The following WDPCP variants were observed in gnomAD, a reference collection of about 807,000 sequenced individuals.
WDPCP encodes WD repeat-containing and planar cell polarity effector protein fritz homolog.
WDPCP carries 71 observed loss-of-function variants against 93.1 expected under a neutral mutation model. The ratio of observed to expected loss-of-function variants is 0.76; its 90% confidence interval spans 0.63 to 0.93. The LOEUF (loss-of-function observed/expected upper bound fraction) is 0.93, where lower values mean the gene tolerates loss of function less well. WDPCP is among the 40% of genes least tolerant of loss of function. The pLI is 0.00. For synonymous variants in WDPCP, 315 were observed against 315.0 expected (o/e 1.00, Z 0.00); for missense variants, 844 against 887.4 (o/e 0.95, Z 0.62).
Position 63,120,593 on chromosome 2 carries a change from C to T in WDPCP, c.*1413G>A, listed in dbSNP as rs1391316577. ...CCAGGCTGGAGCGTAATGGTGCGAC[C>T]TCAGCTCACTGCAGCCTCCGCCCTC... On this transcript the variant is annotated 3_prime_UTR_variant, in exon 18 of 18. Coordinates refer to ENST00000272321, the MANE Select transcript of WDPCP (RefSeq NM_015910.7). Among the ~76,000 whole-genome samples, 1 of 147,730 alleles carries T rather than the reference C, an allele frequency of 6.8e-6. No individual in the cohort carries two copies. The highest frequency in any genetic ancestry group is 1.5e-5 in the Non-Finnish European group (1 of 67,480).
At chr2:63,721,718 C>T (rs932676907) in intron 2 of WDPCP, among the ~76,000 whole-genome samples, 6 of 148,480 alleles carry the variant, frequency 4.0e-5, no homozygotes, top group Non-Finnish European at 9.0e-5. Context: ...GCCCCTCCCC[C>T]TCCTCCTCCC....
intron 6 of WDPCP, among the ~76,000 whole-genome samples, chr2:63,472,372 G>C (rs1699743146): frequency 6.6e-6 from 1 of 150,844 alleles, no homozygotes; most frequent in Admixed American, 6.6e-5. Context: ...CTTCTCTTCT[G>C]TTTTCTATTA....
chr2:63,526,946 G>A (rs1035357120), intron 1 of WDPCP, among the ~76,000 whole-genome samples: 8 of 152,056 alleles, frequency 5.3e-5, no homozygotes, highest in African/African-American at 7.2e-5. Context: ...ATAAATATTC[G>A]ATGAACGGAG....
chr2:63,612,215 C>T (rs1489550508), intron 3 of WDPCP, among the ~76,000 whole-genome samples: 3 of 152,124 alleles, frequency 2.0e-5, no homozygotes, highest in East Asian at 1.9e-4. Flanking sequence ...TTTAGGTGTC[C>T]TTAAACAACC....
At chr2:63,800,825 G>C (rs1301830919) in intron 2 of WDPCP, among the ~76,000 whole-genome samples, 7 of 152,186 alleles carry the variant, frequency 4.6e-5, no homozygotes. Flanking sequence ...GGGCTGAGGT[G>C]GGAGGACTGC....
chr2:63,492,302 C>T (rs1700930291), intron 2 of WDPCP, among the ~76,000 whole-genome samples: 1 of 151,872 alleles, frequency 6.6e-6, no homozygotes, highest in South Asian at 2.1e-4. Context: ...ATTATTCTCC[C>T]CCCCCAAAAT....
chr2:63,211,374 C>T (rs1385648540), intron 14 of WDPCP, among the ~76,000 whole-genome samples: 3 of 152,210 alleles, frequency 2.0e-5, no homozygotes, highest in Non-Finnish European at 4.4e-5. Flanking sequence ...CTCCAGCAAA[C>T]TCCGACAGAC....
At chr2:63,478,507 G>A (rs554520391) in intron 6 of WDPCP, among the ~76,000 whole-genome samples, 1 of 152,094 alleles carries the variant, frequency 6.6e-6, no homozygotes, top group South Asian at 2.1e-4. Context: ...GACCACAGTA[G>A]AATAAAACTC....
chr2:63,613,178 A>T (rs1379191415), intron 3 of WDPCP, among the ~76,000 whole-genome samples: 2 of 152,172 alleles, frequency 1.3e-5, no homozygotes, highest in African/African-American at 4.8e-5. Context: ...CAACATGTGC[A>T]TATTGATTAA....
Position 63,547,627 on chromosome 2 carries a change from C to T in WDPCP, c.75+40570G>A, listed in dbSNP as rs143902206. Among the ~76,000 whole-genome samples the T allele has an allele frequency of 1.1e-4, 16 of 150,854 alleles. No homozygotes were observed. In the East Asian group the frequency reaches 2.5e-3, roughly 24 times the overall value. ...AATATTATTCAGCCATTATAAAGAA[C>T]GAAATTCTGTCATTTGCAGCAACAT... On this transcript the variant is annotated intron_variant, in intron 1 of 17. Coordinates refer to ENST00000272321, the MANE Select transcript of WDPCP (RefSeq NM_015910.7).
At chr2:63,261,173 G>C (rs567901171) in intron 13 of WDPCP, among the ~76,000 whole-genome samples, 1 of 70,202 alleles carries the variant, frequency 1.4e-5, no homozygotes, top group East Asian at 3.1e-4. Context: ...ACTGTCGAAA[G>C]GTTTTTTTTT....
At chr2:63,747,755 C>A (rs1003676092) in intron 2 of WDPCP, among the ~76,000 whole-genome samples, 8 of 151,720 alleles carry the variant, frequency 5.3e-5, no homozygotes, top group Admixed American at 5.3e-4. Context: ...TATTTTTGGT[C>A]CTTTGTTATT....
upstream of WDPCP, chr2:63,588,884 G>C (rs1246321328): frequency 1.7e-5 from 15 of 903,380 alleles, no homozygotes; most frequent in Non-Finnish European, 2.7e-5. Context: ...GCCACAACCA[G>C]GGCAGCGTAA....
intron 1 of WDPCP, among the ~76,000 whole-genome samples, chr2:63,558,453 A>G (rs1706304829): frequency 6.6e-6 from 1 of 151,528 alleles, no homozygotes; most frequent in Admixed American, 6.6e-5. Flanking sequence ...TGCTTGAACC[A>G]GGGTGTCAGA....
intron 12 of WDPCP, among the ~76,000 whole-genome samples, chr2:63,352,160 T>C (rs1007588633): frequency 1.1e-4 from 16 of 152,252 alleles, no homozygotes; most frequent in Non-Finnish European, 2.2e-4. Context: ...TTATAGATTC[T>C]GGGTAGTAGA....
intron 2 of WDPCP, among the ~76,000 whole-genome samples, chr2:63,774,935 C>T (rs946168589): frequency 1.3e-5 from 2 of 152,136 alleles, no homozygotes; most frequent in Non-Finnish European, 2.9e-5. Flanking sequence ...CAATCTCATG[C>T]TTTAAGACCT....
chr2:63,801,324 T>G (rs1575776628), intron 2 of WDPCP, among the ~76,000 whole-genome samples: 1 of 151,956 alleles, frequency 6.6e-6, no homozygotes, highest in Admixed American at 6.6e-5. Flanking sequence ...GTGTCTGGAG[T>G]GGGTTCCTGC....
At position 63,523,555 on chromosome 2, in the gene WDPCP, C is replaced by T. The variant is rs529632504; in HGVS notation, c.76-30615G>A. Among the ~76,000 whole-genome samples, 14 of 152,292 alleles carry T rather than the reference C, an allele frequency of 9.2e-5. 1 individual carries two copies. In the South Asian group the frequency reaches 2.9e-3, roughly 32 times the overall value. ...GATATGATTCTATACCTAGAAAACT[C>T]CATGGTCCCTGCCCAAAAGCTCCTT... On this transcript the variant is annotated intron_variant, in intron 1 of 17. Transcript: ENST00000272321.
chr2:63,581,805 G>C (rs998731735), intron 1 of WDPCP, among the ~76,000 whole-genome samples: 5 of 152,134 alleles, frequency 3.3e-5, no homozygotes, highest in African/African-American at 1.2e-4. Flanking sequence ...CCTAGAGTTT[G>C]AGACCAGCCC....
Sources: allele counts gnomAD v4.1 joint callset (sites outside exome capture counted in the v4.1 genomes callset), GRCh38; gene constraint gnomAD v4.1.1; transcripts MANE v1.5; gene names NCBI Gene and HGNC (gene_info 2026-07-23, HGNC 2026-07-21).